The following NIBAN2 variants were observed in gnomAD, a reference collection of about 807,000 sequenced individuals.
NIBAN2 encodes niban apoptosis regulator 2, also known as protein Niban 2.
Under a neutral mutation model 81.8 loss-of-function variants are expected in NIBAN2, and 36 were observed. The ratio of observed to expected loss-of-function variants is 0.44; its 90% confidence interval spans 0.34 to 0.58. The LOEUF is 0.58. Ranked by LOEUF, NIBAN2 falls within the 20% of genes least tolerant of loss-of-function variation. The pLI, the probability that NIBAN2 is intolerant of heterozygous loss-of-function variation, is 0.02. For synonymous variants in NIBAN2, 445 were observed against 441.6 expected (o/e 1.01, Z -0.10); for missense variants, 897 against 1,014.1 (o/e 0.88, Z 1.57).
At chr9:127,557,218 C>T (rs1837687555) in intron 1 of NIBAN2, among the ~76,000 whole-genome samples, 1 of 152,096 alleles carries the variant, frequency 6.6e-6, no homozygotes, top group Non-Finnish European at 1.5e-5. Flanking sequence ...TCTGTGAGGG[C>T]ATTTCAGGGT....
At chr9:127,527,633 C>G (rs1029397360) in intron 2 of NIBAN2, among the ~76,000 whole-genome samples, 1 of 152,218 alleles carries the variant, frequency 6.6e-6, no homozygotes, top group Non-Finnish European at 1.5e-5. Context: ...CCTCTCCATC[C>G]CAGCCTTGGG....
chr9:127,528,606 G>A (rs986831947), intron 2 of NIBAN2, among the ~76,000 whole-genome samples: 1 of 152,070 alleles, frequency 6.6e-6, no homozygotes, highest in African/African-American at 2.4e-5. Context: ...CCTGGAGAAG[G>A]AGAGCCCATT....
Position 127,517,158 on chromosome 9 carries a change from G to C in NIBAN2, c.764C>G (p.Pro255Arg). The C allele has an allele frequency of 6.2e-7, 1 of 1,614,042 alleles. No individual in the cohort carries two copies. Among genetic ancestry groups the C allele is most frequent in the South Asian group, 1.1e-5 (1 of 91,082 alleles). The part of the protein sequence containing the change: ...LGPELKAELG[P>R]RLKGKPQERQ... ...CTCCTGCGGTTTCCCCTTCAGCCGC[G>C]GGCCGAGCTCTGCCTTCAGCTCAGG... Residue 255 changes from proline to arginine, a missense_variant, in exon 7 of 14, where the codon CCG becomes CGG. Physicochemically the swap from Pro to Arg is moderately radical, Grantham distance 103. Around this residue, in one of 3 missense-constraint regions of NIBAN2, gnomAD observed 619 missense variants for 691.0 expected, o/e 0.90. Coordinates refer to ENST00000373312, the MANE Select transcript of NIBAN2 (RefSeq NM_022833.4). This position sits in a 1 kb window ranked among gnomAD's most constrained non-coding sequence, Gnocchi z 4.0.
upstream of NIBAN2, among the ~76,000 whole-genome samples, chr9:127,573,633 G>T (rs982240083): frequency 1.3e-5 from 2 of 152,010 alleles, no homozygotes; most frequent in African/African-American, 4.8e-5. Context: ...CACACATTTA[G>T]TGGCCATTTG....
rs1158234877 is a variant in NIBAN2 at position 127,508,843 on chromosome 9, AGAG to A, written c.1317+130_1317+132del. 8.9e-6 allele frequency: 9 copies of A among 1,006,694 alleles called. No individual in the cohort carries two copies. The highest frequency in any genetic ancestry group is 2.4e-5 in the East Asian group (1 of 40,870). The allele number at this position is 1,006,694 out of a possible 1,614,324, so 62.4% of individuals were successfully genotyped here. ...GGGCAGAGGCACAGATGTTCCAAGC[AGAG>A]GAGGAGAGAGCGTGCCAGGCAAGCG... On this transcript the variant is annotated intron_variant, in intron 10 of 13. Transcript: ENST00000373312. This position sits in a 1 kb window ranked among gnomAD's most constrained non-coding sequence, Gnocchi z 6.4.
intron 1 of NIBAN2, among the ~76,000 whole-genome samples, chr9:127,537,920 G>A (rs1837308856): frequency 6.6e-6 from 1 of 152,206 alleles, no homozygotes; most frequent in African/African-American, 2.4e-5. Context: ...AGGGCAGTGT[G>A]TGAATTCTGG....
Position 127,563,528 on chromosome 9 carries a change from T to C in NIBAN2, c.55+5292A>G, listed in dbSNP as rs570608811. On this transcript the variant is annotated intron_variant, in intron 1 of 13. Transcript: ENST00000373312. This position sits in a 1 kb window ranked among gnomAD's most constrained non-coding sequence, Gnocchi z 4.1. ...ACTTCCCAAATGTTGAGAGGTAGATTTTTTTTTTTTTTGAGACAGAGTCTC... is the reference window on the plus strand; with the variant it reads ...ACTTCCCAAATGTTGAGAGGTAGATCTTTTTTTTTTTTGAGACAGAGTCTC... 8.8e-3 allele frequency among the ~76,000 whole-genome samples: 1,314 copies of C among 148,986 alleles called. 14 individuals are homozygous for C. Among genetic ancestry groups the C allele is most frequent in the South Asian group, 0.04 (189 of 4,736 alleles).
At chr9:127,532,498 A>G (rs1343750437) in intron 1 of NIBAN2, among the ~76,000 whole-genome samples, 1 of 152,130 alleles carries the variant, frequency 6.6e-6, no homozygotes, top group African/African-American at 2.4e-5. Context: ...CAGGAGACTG[A>G]GGCAGGAGAA....
chr9:127,547,513 T>A (rs1168975594), intron 1 of NIBAN2, among the ~76,000 whole-genome samples: 3 of 126,288 alleles, frequency 2.4e-5, no homozygotes, highest in Non-Finnish European at 5.0e-5. Flanking sequence ...CGAGACTCCA[T>A]CTCAAAAAAC....
chr9:127,542,655 T>A (rs111776495), intron 1 of NIBAN2, among the ~76,000 whole-genome samples: 1 of 152,116 alleles, frequency 6.6e-6, no homozygotes, highest in Admixed American at 6.5e-5. Flanking sequence ...CCACCGACAT[T>A]TCCCCCCCTG....
chr9:127,551,526 AATAAATAAATAAAAAT>A (rs1349367643), intron 1 of NIBAN2, among the ~76,000 whole-genome samples: 2 of 151,610 alleles, frequency 1.3e-5, no homozygotes, highest in South Asian at 2.1e-4. Flanking sequence ...CTGTCTCAAA[AATAAATAAATAAAAAT>A]ATAAATAAAT....
upstream of NIBAN2, among the ~76,000 whole-genome samples, chr9:127,570,988 G>T (rs1307876117): frequency 6.6e-6 from 1 of 152,274 alleles, no homozygotes; most frequent in East Asian, 1.9e-4. Flanking sequence ...CCAGAAGCAA[G>T]TGATGCTGAT....
In NIBAN2 at chr9:127,550,241, G is replaced by A. The variant is rs532740698; in HGVS notation, c.56-18463C>T. Among the ~76,000 whole-genome samples, 36 of 152,232 alleles carry A rather than the reference G, an allele frequency of 2.4e-4. No homozygotes were observed. In the South Asian group the frequency reaches 3.3e-3, roughly 14 times the overall value. ...GACACCATGGTGCTGGACCCTCAACGCCCTGATGCCCTCCACCTGGGACAT... is the reference window on the plus strand; with the variant it reads ...GACACCATGGTGCTGGACCCTCAACACCCTGATGCCCTCCACCTGGGACAT... On this transcript the variant is annotated intron_variant, in intron 1 of 13. Coordinates refer to ENST00000373312, the MANE Select transcript of NIBAN2 (RefSeq NM_022833.4).
intron 4 of NIBAN2, among the ~76,000 whole-genome samples, chr9:127,524,608 A>C (rs1344994850): frequency 1.3e-5 from 2 of 152,126 alleles, no homozygotes; most frequent in Non-Finnish European, 2.9e-5. Flanking sequence ...TGCCGCTCGA[A>C]TCCAGGAATG....
At chr9:127,557,767 G>T (rs1402918227) in intron 1 of NIBAN2, among the ~76,000 whole-genome samples, 1 of 152,262 alleles carries the variant, frequency 6.6e-6, no homozygotes, top group Non-Finnish European at 1.5e-5. Context: ...TGGCCAGAGA[G>T]AAATGAAGAG....
At chr9:127,516,831 C>G (rs377398402) in intron 8 of NIBAN2, 26 bp downstream of exon 8, 1 of 1,598,646 alleles carries the variant, frequency 6.3e-7, no homozygotes, top group South Asian at 1.1e-5. Context: ...CTGGAGGGCC[C>G]GTCGAGCACG....
At chr9:127,552,243 T>C (rs1837589576) in intron 1 of NIBAN2, among the ~76,000 whole-genome samples, 1 of 152,176 alleles carries the variant, frequency 6.6e-6, no homozygotes, top group Non-Finnish European at 1.5e-5. Flanking sequence ...ATCCCATTAA[T>C]TGATTTAAGC....
intron 8 of NIBAN2, 143 bp downstream of exon 8, chr9:127,516,714 G>T: frequency 1.2e-6 from 1 of 864,034 alleles, no homozygotes; most frequent in Non-Finnish European, 1.8e-6. Context: ...AGGGGTTGGA[G>T]TACCACAGTG....
chr9:127,575,230 CTTTTT>C (rs11309796), intron 1 of NIBAN2, among the ~76,000 whole-genome samples: 1 of 122,556 alleles, frequency 8.2e-6, no homozygotes. Flanking sequence ...AATATGGATT[CTTTTT>C]TTTTTTTTTT....
Sources: allele counts gnomAD v4.1 joint callset (sites outside exome capture counted in the v4.1 genomes callset), GRCh38; gene constraint gnomAD v4.1.1; regional missense constraint gnomAD v4.1.1; non-coding constraint Gnocchi (gnomAD v3.1); transcripts MANE v1.5; gene names NCBI Gene and HGNC (gene_info 2026-07-23, HGNC 2026-07-21).